Variants in ETHE1 observed in about 807,000 individuals in gnomAD.
The protein encoded by ETHE1 is ETHE1 persulfide dioxygenase, also known as persulfide dioxygenase ETHE1, mitochondrial.
ETHE1 carries 16 observed loss-of-function variants against 25.7 expected under a neutral mutation model. That is an observed-to-expected ratio of 0.62 (90% CI 0.42 to 0.95). ETHE1 has a LOEUF of 0.95. Among genes scored for constraint, ETHE1 ranks in the 40% least tolerant of loss-of-function variants. The pLI is 0.00. For missense variants in ETHE1, 300 were observed against 333.6 expected (o/e 0.90, Z 0.79); for synonymous variants, 139 against 135.9 (o/e 1.02, Z -0.16).
intron 3 of ETHE1, among the ~76,000 whole-genome samples, chr19:43,523,885 G>A (rs1393027725): frequency 3.3e-5 from 5 of 152,064 alleles, no homozygotes; most frequent in African/African-American, 7.2e-5. Context: ...GCAGTGAACT[G>A]AGAGCTTGCC....
intron 1 of ETHE1, chr19:43,526,873 G>C: frequency 1.4e-6 from 2 of 1,473,566 alleles, no homozygotes; most frequent in Admixed American, 2.3e-5. Flanking sequence ...AGGGTCCCCA[G>C]CACGTTCTTT....
At chr19:43,518,161 C>T (rs1366772125) in intron 3 of ETHE1, among the ~76,000 whole-genome samples, 1 of 149,936 alleles carries the variant, frequency 6.7e-6, no homozygotes, top group African/African-American at 2.5e-5. Context: ...CAAACACACA[C>T]ACAAAAGAGA....
intron 2 of ETHE1, 31 bp downstream of exon 2, chr19:43,526,484 T>C: frequency 6.2e-7 from 1 of 1,609,392 alleles, no homozygotes; most frequent in Non-Finnish European, 8.5e-7. Context: ...CCAGCCCCGC[T>C]GGGATCCATG....
intron 3 of ETHE1, among the ~76,000 whole-genome samples, chr19:43,525,125 TAAAA>T (rs60796262): frequency 2.2e-3 from 199 of 90,642 alleles, no homozygotes; most frequent in African/African-American, 8.3e-3. Context: ...CAGTCTCAAA[TAAAA>T]AAAAAAAAGA....
Position 43,506,763 on chromosome 19 carries a change from T to C in ETHE1, c.*87A>G. On this transcript the variant is annotated 3_prime_UTR_variant, in exon 7 of 7. Transcript: ENST00000292147. ...ATTTAGGGAGCTCCAGGGAATGCGG[T>C]GGGAAAGGAGAGGTGCAGTGTCATT... 2 of 1,254,978 alleles carry C rather than the reference T, an allele frequency of 1.6e-6. No homozygotes were observed. Among genetic ancestry groups the C allele is most frequent in the South Asian group, 1.2e-5 (1 of 83,684 alleles). 77.7% of individuals were successfully genotyped at this position (1,254,978 alleles called of 1,614,324 possible). A position where few individuals can be genotyped will look rare whatever the true frequency, so the allele number is the denominator to read the frequency against.
At position 43,506,856 on chromosome 19, in the gene ETHE1, A is replaced by G. The variant is rs765888263; in HGVS notation, c.759T>C (p.Thr253=). 1 of 1,613,478 alleles carries G rather than the reference A, an allele frequency of 6.2e-7. No individual in the cohort carries two copies. Among genetic ancestry groups the G allele is most frequent in the Non-Finnish European group, 8.5e-7 (1 of 1,179,824 alleles). ...ANMRCGVQTP[T]A Reference sequence around the variant, plus strand: ...GCATCTGACAGAAGTGAGATCAGGCAGTGGGTGTCTGCACCCCACAGCGCA... The same window carrying G: ...GCATCTGACAGAAGTGAGATCAGGCGGTGGGTGTCTGCACCCCACAGCGCA... The change falls in exon 7 of 7, where the codon ACT becomes ACC. Residue 253 remains threonine (T), a synonymous_variant. Coordinates refer to ENST00000292147, the MANE Select transcript of ETHE1 (RefSeq NM_014297.5).
chr19:43,521,670 TA>T (rs780192720), intron 3 of ETHE1, among the ~76,000 whole-genome samples: 489 of 131,604 alleles, frequency 3.7e-3, no homozygotes, highest in Admixed American at 4.5e-3. Flanking sequence ...ACTCTGTCTC[TA>T]AAAAAAAAAA....
chr19:43,513,006 G>A (rs1177509933), intron 3 of ETHE1, among the ~76,000 whole-genome samples: 1 of 152,266 alleles, frequency 6.6e-6, no homozygotes, highest in Non-Finnish European at 1.5e-5. Context: ...AAGGGGCCAA[G>A]TACAGCTCAG....
intron 4 of ETHE1, among the ~76,000 whole-genome samples, chr19:43,510,421 C>T (rs1052651208): frequency 3.3e-5 from 5 of 150,962 alleles, no homozygotes; most frequent in African/African-American, 9.8e-5. Flanking sequence ...CTGCAACCTC[C>T]GCCTCCTGGG....
intron 3 of ETHE1, among the ~76,000 whole-genome samples, chr19:43,516,544 C>T (rs1165110525): frequency 3.9e-5 from 6 of 151,940 alleles, no homozygotes; most frequent in Admixed American, 3.9e-4. Context: ...AAATGATCCG[C>T]CTGCCTCATC....
intron 3 of ETHE1, among the ~76,000 whole-genome samples, chr19:43,514,652 A>T (rs1031929312): frequency 1.9e-4 from 29 of 151,986 alleles, no homozygotes; most frequent in Non-Finnish European, 2.9e-5. Flanking sequence ...CACCTGGCTA[A>T]TTTTTATATT....
Position 43,511,554 on chromosome 19 carries a change from T to C in ETHE1, c.388A>G (p.Arg130Gly), listed in dbSNP as rs1444373224. Residue 130 changes from arginine to glycine, a missense_variant, in exon 4 of 7, where the codon AGG becomes GGG. Arg to Gly is a moderately radical substitution (Grantham distance 125). Coordinates refer to ENST00000292147, the MANE Select transcript of ETHE1 (RefSeq NM_014297.5). ...CCTGGGGTGTGGCCAGGGCTGGCCC[T>C]GGTCTCCAACGCCTGGCAGGGGTGG... is the stretch of plus-strand genomic sequence containing the variant. ...IRFGRFALET[R>G]ASPGHTPGCV... 3.3e-5 allele frequency: 53 copies of C among 1,613,760 alleles called. No individual in the cohort carries two copies. Among genetic ancestry groups the C allele is most frequent in the Non-Finnish European group, 4.4e-5 (52 of 1,180,014 alleles).
chr19:43,519,492 C>T (rs1972097517), intron 3 of ETHE1, among the ~76,000 whole-genome samples: 1 of 152,146 alleles, frequency 6.6e-6, no homozygotes, highest in African/African-American at 2.4e-5. Flanking sequence ...ATTCTTTCAA[C>T]AAATTCATTC....
At chr19:43,519,762 T>C (rs149975524) in intron 3 of ETHE1, among the ~76,000 whole-genome samples, 231 of 152,276 alleles carry the variant, frequency 1.5e-3, no homozygotes, top group African/African-American at 5.0e-3. Context: ...ACACCTCTTA[T>C]CTGCCTGGGA....
intron 4 of ETHE1, among the ~76,000 whole-genome samples, chr19:43,510,491 T>C (rs960127388): frequency 4.6e-5 from 7 of 151,820 alleles, no homozygotes; most frequent in African/African-American, 1.7e-4. Flanking sequence ...CCCACCACCA[T>C]GGCCAGCTAA....
Position 43,510,988 on chromosome 19 carries a change from G to A in ETHE1, c.505+449C>T, listed in dbSNP as rs190688963. ...CTCATAGGAGCACAAACTCTATTGC[G>A]AACTGCACATGCGAGGGATCTAGGT... On this transcript the variant is annotated intron_variant, in intron 4 of 6. Coordinates refer to ENST00000292147, the MANE Select transcript of ETHE1 (RefSeq NM_014297.5). Among the ~76,000 whole-genome samples the A allele has an allele frequency of 3.9e-5, 6 of 152,074 alleles. No individual in the cohort carries two copies. The East Asian group carries it at 9.7e-4, about 25-fold the overall frequency.
At chr19:43,513,249 G>A (rs572693638) in intron 3 of ETHE1, among the ~76,000 whole-genome samples, 1 of 152,238 alleles carries the variant, frequency 6.6e-6, no homozygotes, top group South Asian at 2.1e-4. Flanking sequence ...CCCCCACAGA[G>A]AGTTCCCACT....
intron 3 of ETHE1, among the ~76,000 whole-genome samples, chr19:43,521,595 G>C (rs980937413): frequency 2.6e-5 from 4 of 151,594 alleles, no homozygotes; most frequent in Non-Finnish European, 4.4e-5. Flanking sequence ...GGCTCCCAGA[G>C]GGAGGCAGAG....
chr19:43,515,762 G>A (rs1972007596), intron 3 of ETHE1, among the ~76,000 whole-genome samples: 1 of 152,094 alleles, frequency 6.6e-6, no homozygotes, highest in Non-Finnish European at 1.5e-5. Flanking sequence ...TTTTAGTAGA[G>A]ACAGGGTTTC....
Sources: allele counts gnomAD v4.1 joint callset (sites outside exome capture counted in the v4.1 genomes callset), GRCh38; gene constraint gnomAD v4.1.1; transcripts MANE v1.5; gene names NCBI Gene and HGNC (gene_info 2026-07-23, HGNC 2026-07-21).